Variants in NR6A1 observed in about 807,000 individuals in gnomAD.
NR6A1 encodes the protein nuclear receptor subfamily 6 group A member 1.
A neutral mutation model predicts 59.1 loss-of-function variants in NR6A1; 7 were observed. The ratio of observed to expected loss-of-function variants is 0.12; its 90% CI spans 0.07 to 0.22. The LOEUF (loss-of-function observed/expected upper bound fraction) is 0.22, where lower values mean the gene tolerates loss of function less well. NR6A1 is among the 10% of genes least tolerant of loss of function. The pLI is 1.00. For synonymous variants in NR6A1, 243 were observed against 236.1 expected, an observed-to-expected ratio of 1.03 and a Z score of -0.27; for missense variants, 468 against 611.6, an observed-to-expected ratio of 0.77 and a Z score of 2.48.
intron 2 of NR6A1, among the ~76,000 whole-genome samples, chr9:124,636,420 A>G (rs918320910): frequency 6.6e-6 from 1 of 152,160 alleles, no homozygotes; most frequent in Non-Finnish European, 1.5e-5. Context: ...ATTTTGATGA[A>G]GTCCAGCTTA....
At chr9:124,592,663 C>T (rs192660593) in intron 2 of NR6A1, among the ~76,000 whole-genome samples, 91 of 152,304 alleles carry the variant, frequency 6.0e-4, no homozygotes, top group African/African-American at 2.0e-3. Context: ...TTGCTAATTT[C>T]AAGCGCAGGT....
At chr9:124,745,378 T>TA (rs1382232958) in intron 1 of NR6A1, among the ~76,000 whole-genome samples, 7 of 152,062 alleles carry the variant, frequency 4.6e-5, no homozygotes, top group Admixed American at 2.6e-4. Flanking sequence ...AAACATACAT[T>TA]AAAAAAATCC....
In NR6A1 at chr9:124,559,227, C is replaced by G. The variant is rs547689189; in HGVS notation, c.143-4657G>C. ...GCCCTGTACAGATCTTTACCTGAGG[C>G]ATGAATTCCCTCCACAATGTTCCAA... On this transcript the variant is annotated intron_variant, in intron 2 of 9. Coordinates refer to ENST00000487099, the MANE Select transcript of NR6A1 (RefSeq NM_033334.4). 1.1e-3 allele frequency among the ~76,000 whole-genome samples: 174 copies of G among 152,254 alleles called. 1 individual carries two copies. Among genetic ancestry groups the G allele is most frequent in the African/African-American group, 3.8e-3 (158 of 41,534 alleles).
chr9:124,624,996 T>C (rs1836193083), intron 2 of NR6A1, among the ~76,000 whole-genome samples: 1 of 151,954 alleles, frequency 6.6e-6, no homozygotes, highest in African/African-American at 2.4e-5. Flanking sequence ...CAATATATAT[T>C]TGGATAACTT....
chr9:124,670,328 G>A (rs1588765245), intron 2 of NR6A1, among the ~76,000 whole-genome samples: 1 of 152,188 alleles, frequency 6.6e-6, no homozygotes, highest in African/African-American at 2.4e-5. Flanking sequence ...GGAGTTGGAG[G>A]CTGCAGTGGG....
rs141422119 is a variant in NR6A1, at chr9:124,717,287, G to T, written c.142+16021C>A. Among the ~76,000 whole-genome samples, 842 of 152,208 alleles carry T rather than the reference G, an allele frequency of 5.5e-3. 7 individuals carry two copies. Among genetic ancestry groups the T allele is most frequent in the African/African-American group, 0.019 (800 of 41,520 alleles). ...ACAGGTCCATAAAAACCTTATACAA[G>T]AAATTTTATAGCTGCTTTATTCATA... On this transcript the variant is annotated intron_variant, in intron 2 of 9. Transcript: ENST00000487099.
At chr9:124,599,419 CAAA>C (rs530668330) in intron 2 of NR6A1, 1,401 of 288,194 alleles carry the variant, frequency 4.9e-3, no homozygotes, top group South Asian at 8.1e-3. Context: ...TACATGGTCT[CAAA>C]AAAAAAAAAA....
chr9:124,646,644 C>T (rs1836938500), intron 2 of NR6A1, among the ~76,000 whole-genome samples: 2 of 152,122 alleles, frequency 1.3e-5, no homozygotes, highest in African/African-American at 4.8e-5. Flanking sequence ...AACACTAACA[C>T]TAACACTAAC....
chr9:124,702,733 G>C (rs1213818609), intron 2 of NR6A1, among the ~76,000 whole-genome samples: 1 of 151,914 alleles, frequency 6.6e-6, no homozygotes. Flanking sequence ...CTCATCTTCT[G>C]CCATGAGTAA....
At chr9:124,752,412 C>T (rs962353679) in intron 1 of NR6A1, among the ~76,000 whole-genome samples, 1 of 151,948 alleles carries the variant, frequency 6.6e-6, no homozygotes, top group Admixed American at 6.6e-5. Flanking sequence ...ATAATCTAGG[C>T]TTCAATTATG....
chr9:124,538,432 C>T (rs1282370517), intron 5 of NR6A1, 113 bp from the exon 6 acceptor site: 4 of 737,974 alleles, frequency 5.4e-6, no homozygotes, highest in Non-Finnish European at 2.3e-6. Flanking sequence ...TATGTGTCTT[C>T]ATCAAGCCAG....
chr9:124,630,615 C>T (rs1374236688), intron 2 of NR6A1, among the ~76,000 whole-genome samples: 1 of 149,614 alleles, frequency 6.7e-6, no homozygotes, highest in East Asian at 2.0e-4. Flanking sequence ...CACCTGGGTT[C>T]CTATTCTTGT....
intron 2 of NR6A1, among the ~76,000 whole-genome samples, chr9:124,603,421 C>G (rs1835498307): frequency 6.6e-6 from 1 of 152,082 alleles, no homozygotes; most frequent in South Asian, 2.1e-4. Flanking sequence ...CCTAGACAAA[C>G]TCTACTTCAG....
At chr9:124,759,650 T>C (rs1441052135) in intron 1 of NR6A1, among the ~76,000 whole-genome samples, 2 of 152,230 alleles carry the variant, frequency 1.3e-5, no homozygotes, top group Non-Finnish European at 1.5e-5. Context: ...ACTCCTGCCT[T>C]GAGTAACTCA....
chr9:124,589,168 CCAGGCCGGTGGCTCACGCCT>C (rs1564191916), intron 2 of NR6A1, among the ~76,000 whole-genome samples: 2 of 152,108 alleles, frequency 1.3e-5, no homozygotes, highest in Non-Finnish European at 2.9e-5. Flanking sequence ...CAAAAACAGG[CCAGGCCGGTGGCTCACGCCT>C]GTAATCCCAG....
At chr9:124,544,191 A>AG (rs1243095979) in intron 3 of NR6A1, among the ~76,000 whole-genome samples, 1 of 152,234 alleles carries the variant, frequency 6.6e-6, no homozygotes, top group East Asian at 1.9e-4. Context: ...GACAAATTCT[A>AG]GGGGAGGGAC....
At chr9:124,669,615 G>T (rs1014602791) in intron 2 of NR6A1, among the ~76,000 whole-genome samples, 1 of 152,164 alleles carries the variant, frequency 6.6e-6, no homozygotes, top group Non-Finnish European at 1.5e-5. Context: ...AAATTTCTTG[G>T]GAGGAGGAAA....
At chr9:124,567,394 T>C (rs1834292086) in intron 2 of NR6A1, among the ~76,000 whole-genome samples, 1 of 152,104 alleles carries the variant, frequency 6.6e-6, no homozygotes, top group African/African-American at 2.4e-5. Flanking sequence ...AAGGGTAGAA[T>C]ATAAATCCAT....
chr9:124,581,998 T>C (rs1834786569), intron 2 of NR6A1, among the ~76,000 whole-genome samples: 1 of 152,208 alleles, frequency 6.6e-6, no homozygotes. Context: ...GTTCAACCAT[T>C]GTAGAAGATG....
Sources: gnomAD v4.1 joint callset for allele counts (sites outside exome capture counted in the v4.1 genomes callset) on GRCh38, gnomAD v4.1.1 for gene constraint, MANE v1.5 for transcripts, NCBI Gene and HGNC (gene_info 2026-07-23, HGNC 2026-07-21) for gene names.